ARMCX4: variants seen among roughly 807,000 people sequenced by gnomAD.
The protein encoded by ARMCX4 is armadillo repeat containing X-linked 4, also known as armadillo repeat-containing X-linked protein 4.
A neutral mutation model predicts 34.7 loss-of-function variants in ARMCX4; 3 were observed. That is an observed-to-expected ratio of 0.09 (90% CI 0.04 to 0.22). ARMCX4 has a LOEUF of 0.22. Among genes scored for constraint, ARMCX4 ranks in the 10% least tolerant of loss-of-function variants. The probability of loss-of-function intolerance (pLI) is 1.00; values close to 1 mark genes in which losing one functional copy is unlikely to be tolerated. For missense variants in ARMCX4, 1,448 were observed against 1,720.8 expected (o/e 0.84, Z 2.81); for synonymous variants, 513 against 632.8 (o/e 0.81, Z 2.84).
chrX:101,528,805 G>A (rs190518434), intron 11 of ARMCX4, among the ~76,000 whole-genome samples: 5 of 110,449 alleles, frequency 4.5e-5, no homozygotes, highest in African/African-American at 1.6e-4. Flanking sequence ...CAAGGAGAAC[G>A]ACAGACCACT....
In ARMCX4 at chrX:101,472,737, C is replaced by A. The variant is rs1166919024; in HGVS notation, c.-472-13286C>A. On this transcript the variant is annotated intron_variant and NMD_transcript_variant, in intron 4 of 15. Transcript: ENST00000433011. ...TCATAAGTGAAGGAGAAATAAAATA[C>A]TTTACAGACAAGCAAATGCTGAGAG... Among the ~76,000 whole-genome samples, 3 of 88,649 alleles carry A rather than the reference C, an allele frequency of 3.4e-5. No homozygotes were observed. The East Asian group carries it at 1.1e-3, about 33-fold the overall frequency. The allele number at this position is 88,649 out of a possible 115,157, so 77.0% of individuals were successfully genotyped here.
rs1253840208 is a variant in ARMCX4, at chrX:101,531,429, G to A, written c.*1781-215G>A. Among the ~76,000 whole-genome samples, 3 of 111,653 alleles carry A rather than the reference G, an allele frequency of 2.7e-5. No homozygotes were observed. In the East Asian group the frequency reaches 8.4e-4, roughly 31 times the overall value. ...GTGTTCTAGAGCTTAGGAAAATGTA[G>A]AAATTTACCTAATTCTTTCTCTAAG... is the stretch of plus-strand genomic sequence containing the variant. On this transcript the variant is annotated intron_variant and NMD_transcript_variant, in intron 11 of 12. Coordinates refer to the ARMCX4 transcript ENST00000354842.
intron 7 of ARMCX4, among the ~76,000 whole-genome samples, chrX:101,502,719 A>AT (rs199778349): frequency 1.6e-4 from 17 of 106,158 alleles, no homozygotes; most frequent in African/African-American, 3.4e-4. Flanking sequence ...AGTGTTCTTT[A>AT]TTTTTTTTTT....
Position 101,493,557 on chromosome X carries a change from C to T in ARMCX4, c.4968C>T (p.Asp1656=). 1 of 1,153,726 alleles carries T rather than the reference C, an allele frequency of 8.7e-7. No homozygotes were observed. The highest frequency in any genetic ancestry group is 1.1e-6 in the Non-Finnish European group (1 of 872,048). Residue 1656 remains aspartate, a synonymous_variant, in exon 6 of 6, where the codon GAC becomes GAT. Coordinates refer to ENST00000423738, the MANE Select transcript of ARMCX4 (RefSeq NM_001256155.3). ...SWIGPGDQAV[D]CSKPEFEDQA... ...TTGGGCCTGGGGATCAGGCTGTTGA[C>T]TGTTCCAAGCCTGAATTTGAGGATC...
chrX:101,530,047 C>A (rs782711130), intron 11 of ARMCX4, among the ~76,000 whole-genome samples: 1 of 111,622 alleles, frequency 9.0e-6, no homozygotes, highest in Non-Finnish European at 1.9e-5. Context: ...ATTTTTATTG[C>A]GGTACTATTC....
chrX:101,469,870 A>G (rs1475021078), intron 4 of ARMCX4, among the ~76,000 whole-genome samples: 2 of 111,347 alleles, frequency 1.8e-5, no homozygotes, highest in South Asian at 3.8e-4. Context: ...TACCATGGCC[A>G]TGGCAACACC....
At chrX:101,511,098 G>A (rs1241513531) in intron 11 of ARMCX4, 4 of 111,468 alleles carry the variant, frequency 3.6e-5, no homozygotes, top group Non-Finnish European at 7.5e-5. Flanking sequence ...TTAATGGGCT[G>A]TTTCAATCTA....
chrX:101,513,315 A>G (rs890066698), intron 11 of ARMCX4, among the ~76,000 whole-genome samples: 1 of 111,523 alleles, frequency 9.0e-6, no homozygotes, highest in Non-Finnish European at 1.9e-5. Context: ...TGGCACCCAT[A>G]CACATCTCCT....
At chrX:101,482,427 C>T (rs781909799), upstream of ARMCX4, among the ~76,000 whole-genome samples, 14 of 110,565 alleles carry the variant, frequency 1.3e-4, no homozygotes, top group Admixed American at 3.9e-4. Context: ...CAGGGTTTCA[C>T]GCCATTGCCG....
intron 4 of ARMCX4, among the ~76,000 whole-genome samples, chrX:101,454,362 G>A (rs1380132377): frequency 2.0e-4 from 21 of 107,064 alleles, no homozygotes; most frequent in African/African-American, 6.2e-4. Flanking sequence ...TGCAAGCTCC[G>A]CCTCCTGGGT....
At chrX:101,533,813 T>G (rs1935173270), downstream of ARMCX4, among the ~76,000 whole-genome samples, 1 of 111,757 alleles carries the variant, frequency 8.9e-6, no homozygotes, top group Admixed American at 9.6e-5. Context: ...ATTTCCACAA[T>G]TATTTAACAT....
In ARMCX4 at chrX:101,494,857, A is replaced by G. The variant is rs782648113; in HGVS notation, c.6268A>G (p.Ser2090Gly). Residue 2090 changes from serine (S) to glycine (G), a missense_variant, in exon 6 of 6, where the codon AGC (serine) becomes GGC (glycine). Transcript: ENST00000423738. Reference sequence around the variant, plus strand: ...TGTAGGTGGAATTTCAGTTATTGAAAGCTTGCTCAATAATCCCTACCCCAG... The same window carrying G: ...TGTAGGTGGAATTTCAGTTATTGAAGGCTTGCTCAATAATCCCTACCCCAG... Reference protein sequence around the residue: ...RNVGGISVIESLLNNPYPSVR... With the variant: ...RNVGGISVIEGLLNNPYPSVR... 5 of 1,153,121 alleles carry G rather than the reference A, an allele frequency of 4.3e-6. No homozygotes were observed. In the Admixed American group the frequency reaches 1.3e-4, roughly 30 times the overall value.
Position 101,495,248 on chromosome X carries a change from A to G in ARMCX4, c.6659A>G (p.Glu2220Gly), listed in dbSNP as rs1556011551. 8.7e-7 allele frequency: 1 copy of G among 1,147,731 alleles called. No individual in the cohort carries two copies. Among genetic ancestry groups the G allele is most frequent in the Non-Finnish European group, 1.2e-6 (1 of 865,979 alleles). 94.6% of individuals were successfully genotyped at this position (1,147,731 alleles called of 1,213,427 possible). The change falls in exon 6 of 6, where the codon GAG becomes GGG. Residue 2220 changes from glutamate (E) to glycine (G), a missense_variant. Around this residue, in one of 2 missense-constraint regions of ARMCX4, gnomAD observed 105 missense variants for 180.2 expected, o/e 0.58. Transcript: ENST00000423738. ...INIFSKKETKENILNALSLFE... is the reference protein window; with the variant it reads ...INIFSKKETKGNILNALSLFE... ...ATTTTTAGCAAGAAAGAGACAAAGG[A>G]GAATATTCTTAATGCTCTTTCACTA... is the stretch of plus-strand genomic sequence containing the variant.
At chrX:101,442,500 T>A (rs1157776540) in intron 2 of ARMCX4, among the ~76,000 whole-genome samples, 2 of 111,935 alleles carry the variant, frequency 1.8e-5, no homozygotes, top group Non-Finnish European at 3.8e-5. Flanking sequence ...CCTCTTTTCT[T>A]ATACACCTTC....
chrX:101,432,516 C>T (rs911301530), intron 2 of ARMCX4, among the ~76,000 whole-genome samples: 24 of 109,538 alleles, frequency 2.2e-4, no homozygotes, highest in Non-Finnish European at 5.7e-5. Flanking sequence ...CAGAAATTAG[C>T]CAGGTGTGGT....
At chrX:101,497,259 C>T (rs1219929684), downstream of ARMCX4, among the ~76,000 whole-genome samples, 5 of 109,085 alleles carry the variant, frequency 4.6e-5, no homozygotes, top group South Asian at 3.9e-4. Context: ...TGTTTTAAGA[C>T]GGAGTCTCCC....
At position 101,492,745 on chromosome X, in the gene ARMCX4, G is replaced by T; in HGVS notation, c.4156G>T (p.Gly1386Cys). The T allele has an allele frequency of 8.7e-7, 1 of 1,146,350 alleles. No individual in the cohort carries two copies. Among genetic ancestry groups the T allele is most frequent in the Non-Finnish European group, 1.2e-6 (1 of 867,729 alleles). The allele number at this position is 1,146,350 out of a possible 1,213,427, so 94.5% of individuals were successfully genotyped here. A position where few individuals can be genotyped will look rare whatever the true frequency, so the allele number is the denominator to read the frequency against. The stretch of plus-strand genomic sequence containing the variant: ...GGCTGGGACACTTGATCAGTCTGGT[G>T]GTGGGTCCAAGCCTAGATTTGAAAA... ...AWAGTLDQSG[G>C]GSKPRFENQT... is the part of the protein sequence containing the mutation. Residue 1386 changes from glycine (G) to cysteine (C), a missense_variant, in exon 6 of 6, where the codon GGT becomes TGT. Around this residue, in one of 2 missense-constraint regions of ARMCX4, gnomAD observed 1,343 missense variants for 1,540.7 expected, o/e 0.87. Coordinates refer to ENST00000423738, the MANE Select transcript of ARMCX4 (RefSeq NM_001256155.3).
At chrX:101,497,648 G>A (rs1183153903), downstream of ARMCX4, among the ~76,000 whole-genome samples, 1 of 112,150 alleles carries the variant, frequency 8.9e-6, no homozygotes, top group Non-Finnish European at 1.9e-5. Flanking sequence ...GGCCTGGTCA[G>A]TAGTATTTGA....
chrX:101,527,497 A>G (rs1556020930), intron 11 of ARMCX4, among the ~76,000 whole-genome samples: 6 of 111,777 alleles, frequency 5.4e-5, no homozygotes, highest in Non-Finnish European at 1.1e-4. Flanking sequence ...GAAATGAAGG[A>G]AATAGAGACA....
Sources: gnomAD v4.1 joint callset for allele counts (sites outside exome capture counted in the v4.1 genomes callset) on GRCh38, gnomAD v4.1.1 for gene constraint, gnomAD v4.1.1 regional missense constraint, MANE v1.5 for transcripts, NCBI Gene and HGNC (gene_info 2026-07-23, HGNC 2026-07-21) for gene names.